Variants in ZSWIM6 observed in about 807,000 individuals in gnomAD.
ZSWIM6 encodes zinc finger SWIM domain-containing protein 6.
In ZSWIM6, 9 loss-of-function variants were observed where a neutral mutation model predicts 113.2. The ratio of observed to expected loss-of-function variants is 0.08; its 90% CI spans 0.05 to 0.14. The LOEUF is 0.14. Ranked by LOEUF, ZSWIM6 falls within the 10% of genes least tolerant of loss-of-function variation. The pLI is 1.00. For missense variants in ZSWIM6, 1,162 were observed against 1,552.2 expected, an observed-to-expected ratio of 0.75 and a Z score of 4.22; for synonymous variants, 611 against 606.5, an observed-to-expected ratio of 1.01 and a Z score of -0.11.
intron 1 of ZSWIM6, among the ~76,000 whole-genome samples, chr5:61,422,308 A>G (rs947406856): frequency 6.6e-6 from 1 of 152,186 alleles, no homozygotes; most frequent in Non-Finnish European, 1.5e-5. Context: ...TCCCAGCACC[A>G]TTTATTGAAG....
chr5:61,472,674 C>A lies in ZSWIM6; in HGVS notation c.677-7C>A, dbSNP rs1480640825. On this transcript the variant is annotated splice_region_variant and splice_polypyrimidine_tract_variant and intron_variant, in intron 1 of 13. Coordinates refer to ENST00000252744, the MANE Select transcript of ZSWIM6 (RefSeq NM_020928.2). This position sits in a 1 kb window ranked among gnomAD's most constrained non-coding sequence, Gnocchi z 4.1. ...TAAACCCTCCCTTTCTTTCTTTCAC[C>A]CTCAAGGTTTCCACTTGAGCGGCAC... 6.7e-7 allele frequency: 1 copy of A among 1,500,446 alleles called. No individual in the cohort carries two copies. The highest frequency in any genetic ancestry group is 8.9e-7 in the Non-Finnish European group (1 of 1,117,780). 92.9% of individuals were successfully genotyped at this position (1,500,446 alleles called of 1,614,324 possible). A position where few individuals can be genotyped will look rare whatever the true frequency, so the allele number is the denominator to read the frequency against.
chr5:61,410,466 T>C (rs1284825551), intron 1 of ZSWIM6, among the ~76,000 whole-genome samples: 3 of 151,860 alleles, frequency 2.0e-5, no homozygotes, highest in African/African-American at 7.3e-5. Context: ...CGTGCCACCA[T>C]GCCTGGCTAA....
chr5:61,428,634 GT>G (rs1352824902), intron 1 of ZSWIM6, among the ~76,000 whole-genome samples: 1 of 151,760 alleles, frequency 6.6e-6, no homozygotes, highest in Non-Finnish European at 1.5e-5. Context: ...ACCCCCTAAA[GT>G]GTTGGAATTA....
intron 4 of ZSWIM6, among the ~76,000 whole-genome samples, chr5:61,495,410 T>C (rs1448733535): frequency 6.6e-6 from 1 of 152,158 alleles, no homozygotes; most frequent in Non-Finnish European, 1.5e-5. Flanking sequence ...TGGTAAAGGA[T>C]GTGATATCAG....
In ZSWIM6 at chr5:61,510,312, G is replaced by A. The variant is rs551392174; in HGVS notation, c.1334-10951G>A. ...TTCATTCTTGCCACCCACATTTGCC[G>A]AGTATGGGTTCTTGTCCACTGGCAC... is the stretch of plus-strand genomic sequence containing the variant. On this transcript the variant is annotated intron_variant, in intron 4 of 13. Coordinates refer to ENST00000252744, the MANE Select transcript of ZSWIM6 (RefSeq NM_020928.2). 3.3e-5 allele frequency among the ~76,000 whole-genome samples: 5 copies of A among 152,058 alleles called. No individual in the cohort carries two copies. In the East Asian group the frequency reaches 9.7e-4, roughly 29 times the overall value.
chr5:61,469,647 A>C (rs1747518767), intron 1 of ZSWIM6, among the ~76,000 whole-genome samples: 1 of 152,154 alleles, frequency 6.6e-6, no homozygotes, highest in African/African-American at 2.4e-5. Context: ...TGAATAAAGC[A>C]GGTCATTTTT....
At chr5:61,337,372 A>G (rs1033529841) in intron 1 of ZSWIM6, among the ~76,000 whole-genome samples, 12 of 152,240 alleles carry the variant, frequency 7.9e-5, no homozygotes, top group African/African-American at 2.9e-4. Flanking sequence ...TAAAAAGACA[A>G]TACCCAGAAT....
intron 1 of ZSWIM6, among the ~76,000 whole-genome samples, chr5:61,432,745 T>C (rs1368892386): frequency 6.6e-6 from 1 of 152,252 alleles, no homozygotes; most frequent in Admixed American, 6.5e-5. Context: ...ATCGTTCTTT[T>C]CTTGGTTATG....
At chr5:61,500,821 C>T (rs1378450138) in intron 4 of ZSWIM6, among the ~76,000 whole-genome samples, 1 of 152,146 alleles carries the variant, frequency 6.6e-6, no homozygotes, top group East Asian at 1.9e-4. Flanking sequence ...ATTTTCAGGT[C>T]CCCTTTGGTA....
chr5:61,413,357 A>AT (rs1746184381), intron 1 of ZSWIM6, among the ~76,000 whole-genome samples: 1 of 151,828 alleles, frequency 6.6e-6, no homozygotes, highest in Non-Finnish European at 1.5e-5. Flanking sequence ...TGAACTCATC[A>AT]TTTTTTATGG....
At chr5:61,502,164 C>G (rs1178493193) in intron 4 of ZSWIM6, among the ~76,000 whole-genome samples, 4 of 152,100 alleles carry the variant, frequency 2.6e-5, no homozygotes, top group Non-Finnish European at 5.9e-5. Context: ...TCGTTTTAAG[C>G]CATCTGGGAT....
intron 8 of ZSWIM6, 135 bp from the exon 9 acceptor site, chr5:61,531,330 A>G: frequency 2.7e-6 from 3 of 1,106,534 alleles, no homozygotes; most frequent in Non-Finnish European, 3.7e-6. Context: ...TTTAGCCTAA[A>G]AAACATGTTT....
chr5:61,456,903 C>G (rs13153717), intron 1 of ZSWIM6, among the ~76,000 whole-genome samples: 1 of 144,670 alleles, frequency 6.9e-6, no homozygotes, highest in Admixed American at 6.8e-5. Flanking sequence ...TTTTTTTTTT[C>G]TTTTTTTTAT....
At chr5:61,445,244 A>G (rs544451367) in intron 1 of ZSWIM6, among the ~76,000 whole-genome samples, 1 of 152,222 alleles carries the variant, frequency 6.6e-6, no homozygotes, top group East Asian at 1.9e-4. Context: ...AAAAAAGTTT[A>G]ATGTAAATAC....
intron 4 of ZSWIM6, among the ~76,000 whole-genome samples, chr5:61,498,953 C>A (rs905780343): frequency 4.6e-5 from 7 of 152,040 alleles, no homozygotes; most frequent in African/African-American, 1.7e-4. Flanking sequence ...CCACCAACAC[C>A]CCCATCCCTG....
At chr5:61,446,702 T>A (rs1746961049) in intron 1 of ZSWIM6, among the ~76,000 whole-genome samples, 1 of 152,216 alleles carries the variant, frequency 6.6e-6, no homozygotes, top group Non-Finnish European at 1.5e-5. Context: ...TTATTAAAGA[T>A]TTACTTAAGT....
intron 3 of ZSWIM6, among the ~76,000 whole-genome samples, chr5:61,491,612 G>A (rs1748178585): frequency 6.6e-6 from 1 of 151,896 alleles, no homozygotes; most frequent in Admixed American, 6.6e-5. Flanking sequence ...TGTGTGTTTT[G>A]TTTATACAGA....
rs1417287240 is a variant in ZSWIM6, at chr5:61,543,106, G to A, written c.2786-349G>A. ...GTAAAGTCCCTGTTTTGGTGAGGTT[G>A]CAATTTTTGAGCCTCAAATTCTGAC... On this transcript the variant is annotated intron_variant, in intron 13 of 13. Transcript: ENST00000252744. The surrounding 1 kb of genome is among the most constrained non-coding windows in gnomAD (Gnocchi z 4.3). Among the ~76,000 whole-genome samples the A allele has an allele frequency of 6.6e-6, 1 of 152,150 alleles. No individual in the cohort carries two copies. The highest frequency in any genetic ancestry group is 1.5e-5 in the Non-Finnish European group (1 of 68,038).
chr5:61,504,317 A>G (rs923810243), intron 4 of ZSWIM6, among the ~76,000 whole-genome samples: 5 of 152,224 alleles, frequency 3.3e-5, no homozygotes, highest in Admixed American at 1.3e-4. Flanking sequence ...CTTGCCATCA[A>G]TGCTGCAGGT....
Sources: allele counts gnomAD v4.1 joint callset (sites outside exome capture counted in the v4.1 genomes callset), GRCh38; gene constraint gnomAD v4.1.1; non-coding constraint Gnocchi (gnomAD v3.1); transcripts MANE v1.5; gene names NCBI Gene and HGNC (gene_info 2026-07-23, HGNC 2026-07-21).